Variants in CFAP45 observed in about 807,000 individuals in gnomAD.
CFAP45 encodes the protein cilia and flagella associated protein 45.
Under a neutral mutation model 75.6 loss-of-function variants are expected in CFAP45, and 43 were observed. The ratio of observed to expected loss-of-function variants is 0.57; its 90% CI spans 0.45 to 0.73. The LOEUF is 0.73. Among genes scored for constraint, CFAP45 ranks in the 30% least tolerant of loss-of-function variants. The probability of loss-of-function intolerance (pLI) is 0.00; values close to 1 mark genes in which losing one functional copy is unlikely to be tolerated. For missense variants in CFAP45, 689 were observed against 701.5 expected (o/e 0.98, Z 0.20); for synonymous variants, 223 against 244.6 (o/e 0.91, Z 0.82).
chr1:159,892,450 G>A (rs1354555396), intron 2 of CFAP45, among the ~76,000 whole-genome samples: 1 of 152,112 alleles, frequency 6.6e-6, no homozygotes, highest in Non-Finnish European at 1.5e-5. Flanking sequence ...GAAGAGCAGG[G>A]ACAGACATCA....
chr1:159,882,613 G>A (rs1649574222), intron 7 of CFAP45, among the ~76,000 whole-genome samples: 1 of 152,126 alleles, frequency 6.6e-6, no homozygotes, highest in African/African-American at 2.4e-5. Context: ...GAAGGCACAG[G>A]TTTCCTTGCT....
Position 159,872,944 on chromosome 1 carries a change from C to T in CFAP45, c.1577G>A (p.Arg526Lys). ...GGGAAAGGAGGAGATTCCAGCGCAC[C>T]TCAGCTCTTCAAGCTTTTTCCTCTT... Reference protein sequence around the residue: ...EIKRKKLEELRATGLPEKYCI... With the variant: ...EIKRKKLEELKATGLPEKYCI... The change falls in exon 11 of 12, where the codon AGA (arginine) becomes AAA (lysine). Residue 526 changes from arginine (R) to lysine (K), a missense_variant and splice_region_variant. Arg to Lys is a conservative substitution (Grantham distance 26). Transcript: ENST00000368099. 6.2e-7 allele frequency: 1 copy of T among 1,613,866 alleles called. No homozygotes were observed. The highest frequency in any genetic ancestry group is 8.5e-7 in the Non-Finnish European group (1 of 1,179,746).
At chr1:159,898,794 T>C (rs1650006913) in intron 1 of CFAP45, among the ~76,000 whole-genome samples, 1 of 152,228 alleles carries the variant, frequency 6.6e-6, no homozygotes, top group African/African-American at 2.4e-5. Flanking sequence ...TGTAAGGTGC[T>C]GAGAGAAGAT....
intron 1 of CFAP45, among the ~76,000 whole-genome samples, chr1:159,898,889 C>T (rs763602712): frequency 2.6e-5 from 4 of 152,160 alleles, no homozygotes; most frequent in Non-Finnish European, 4.4e-5. Context: ...CCTCGAAAGT[C>T]AGGAACTGCT....
intron 1 of CFAP45, among the ~76,000 whole-genome samples, chr1:159,894,871 C>G (rs1331152176): frequency 1.3e-5 from 2 of 152,338 alleles, no homozygotes; most frequent in East Asian, 3.9e-4. Flanking sequence ...CAGCCAGACC[C>G]AGCGTCTGGG....
chr1:159,881,933 A>G (rs1008573963), intron 7 of CFAP45, among the ~76,000 whole-genome samples: 4 of 152,142 alleles, frequency 2.6e-5, no homozygotes, highest in Non-Finnish European at 5.9e-5. Context: ...CCATTTCTCC[A>G]AAGACTAAAT....
At chr1:159,880,386 A>G (rs1649521625) in intron 8 of CFAP45, among the ~76,000 whole-genome samples, 168 bp downstream of exon 8, 1 of 152,190 alleles carries the variant, frequency 6.6e-6, no homozygotes, top group East Asian at 1.9e-4. Flanking sequence ...GAACAAGTGG[A>G]CTGGCTAAGA....
intron 1 of CFAP45, among the ~76,000 whole-genome samples, chr1:159,893,596 G>T (rs1649879371): frequency 6.6e-6 from 1 of 152,154 alleles, no homozygotes; most frequent in Non-Finnish European, 1.5e-5. Context: ...GGTTACCAGA[G>T]GCTGAAGAGA....
At chr1:159,892,185 G>A (rs1295093806) in intron 2 of CFAP45, among the ~76,000 whole-genome samples, 1 of 152,142 alleles carries the variant, frequency 6.6e-6, no homozygotes, top group Admixed American at 6.6e-5. Context: ...TACTTGGGAG[G>A]CTGAGGCAGG....
rs1040842142 is a variant in CFAP45 at position 159,872,402 on chromosome 1, C to G, written c.*83G>C. The G allele has an allele frequency of 1.6e-5, 17 of 1,049,670 alleles. No individual in the cohort carries two copies. Among genetic ancestry groups the G allele is most frequent in the Non-Finnish European group, 2.5e-5 (17 of 667,782 alleles). 65.0% of individuals were successfully genotyped at this position (1,049,670 alleles called of 1,614,324 possible). On this transcript the variant is annotated 3_prime_UTR_variant, in exon 12 of 12. Transcript: ENST00000368099. Reference sequence around the variant, plus strand: ...GATTTAATCTGTAACTATGAAATGTCTAGGTTAGCAGCAATTATGGATGCC... The same window carrying G: ...GATTTAATCTGTAACTATGAAATGTGTAGGTTAGCAGCAATTATGGATGCC...
intron 8 of CFAP45, among the ~76,000 whole-genome samples, chr1:159,878,752 C>CCAAA: frequency 1.6e-4 from 1 of 6,424 alleles, no homozygotes; most frequent in South Asian, 0.012. Context: ...AAGACTACAT[C>CCAAA]TAAAAAAAAA....
At chr1:159,894,230 A>G (rs929599336) in intron 1 of CFAP45, among the ~76,000 whole-genome samples, 3 of 152,246 alleles carry the variant, frequency 2.0e-5, no homozygotes, top group Non-Finnish European at 4.4e-5. Context: ...TAAAGGAAGC[A>G]GGAATGGCAG....
In CFAP45 at chr1:159,887,909, G is replaced by C; in HGVS notation, c.520C>G (p.Gln174Glu). 2 of 1,614,238 alleles carry C rather than the reference G, an allele frequency of 1.2e-6. No individual in the cohort carries two copies. The highest frequency in any genetic ancestry group is 1.7e-6 in the Non-Finnish European group (2 of 1,180,040). Residue 174 changes from glutamine to glutamate, a missense_variant, in exon 5 of 12, where the codon CAG becomes GAG. Transcript: ENST00000368099. Reference protein sequence around the residue: ...DLEEVAKERAQNLLQRANKLR... With the variant: ...DLEEVAKERAENLLQRANKLR... ...TTGTTGGCTCTCTGCAGGAGGTTCTGGGCCCGTTCCTTGGCCACCTCCTCC... is the reference window on the plus strand; with the variant it reads ...TTGTTGGCTCTCTGCAGGAGGTTCTCGGCCCGTTCCTTGGCCACCTCCTCC...
At position 159,888,408 on chromosome 1, in the gene CFAP45, T is replaced by C; in HGVS notation, c.361A>G (p.Arg121Gly). ...RIKWASHVLTREELEARDQAF... is the reference protein window; with the variant it reads ...RIKWASHVLTGEELEARDQAF... Reference sequence around the variant, plus strand: ...TGGTCCCTGGCCTCAAGTTCTTCTCTGGTCAGGACATGGGATGCCCATTTG... The same window carrying C: ...TGGTCCCTGGCCTCAAGTTCTTCTCCGGTCAGGACATGGGATGCCCATTTG... Residue 121 changes from arginine to glycine, a missense_variant, in exon 4 of 12, where the codon AGA becomes GGA. Transcript: ENST00000368099. The C allele has an allele frequency of 6.2e-7, 1 of 1,610,972 alleles. No individual in the cohort carries two copies. The highest frequency in any genetic ancestry group is 8.5e-7 in the Non-Finnish European group (1 of 1,177,690).
chr1:159,872,799 G>T, intron 11 of CFAP45, 145 bp downstream of exon 11: 1 of 855,666 alleles, frequency 1.2e-6, no homozygotes, highest in Non-Finnish European at 1.8e-6. Context: ...CCTTCAGAGG[G>T]ATGAGCCCTG....
chr1:159,874,882 A>C (rs74367572), intron 10 of CFAP45, among the ~76,000 whole-genome samples: 8,805 of 152,324 alleles, frequency 0.058, 442 homozygotes, highest in African/African-American at 0.14. Flanking sequence ...GAAGACAGCT[A>C]TCTCTGCTTA....
intron 10 of CFAP45, among the ~76,000 whole-genome samples, chr1:159,874,640 C>G (rs1433829297): frequency 6.6e-6 from 1 of 152,168 alleles, no homozygotes; most frequent in Non-Finnish European, 1.5e-5. Flanking sequence ...CACTAGAGAG[C>G]CCCGGTGGTG....
At chr1:159,875,895 T>C (rs1649387907) in intron 10 of CFAP45, among the ~76,000 whole-genome samples, 2 of 152,306 alleles carry the variant, frequency 1.3e-5, no homozygotes, top group East Asian at 1.9e-4. Context: ...CTTCCACTTA[T>C]GTGTTGAAAT....
At position 159,872,509 on chromosome 1, in the gene CFAP45, G is replaced by T. The variant is rs1236265264; in HGVS notation, c.1632C>A (p.Ile544=). The change falls in exon 12 of 12, where the codon ATC becomes ATA. Residue 544 remains isoleucine (I), a synonymous_variant. Coordinates refer to ENST00000368099, the MANE Select transcript of CFAP45 (RefSeq NM_012337.3). The stretch of plus-strand genomic sequence containing the variant: ...CTCAGTTCACAGAGGTAGCTGGCAG[G>T]ATGTTAGCTTTGCGCTCAGCTTCAA... ...YCIEAERKAN[I]LPATSVN 1 of 1,614,212 alleles carries T rather than the reference G, an allele frequency of 6.2e-7. No individual in the cohort carries two copies. Among genetic ancestry groups the T allele is most frequent in the Non-Finnish European group, 8.5e-7 (1 of 1,180,008 alleles).
Sources: allele counts gnomAD v4.1 joint callset (sites outside exome capture counted in the v4.1 genomes callset), GRCh38; gene constraint gnomAD v4.1.1; transcripts MANE v1.5; gene names NCBI Gene and HGNC (gene_info 2026-07-23, HGNC 2026-07-21).